EYS: variants seen among roughly 807,000 people sequenced by gnomAD.
The protein encoded by EYS is protein eyes shut homolog.
A neutral mutation model predicts 282.1 loss-of-function variants in EYS; 250 were observed. The ratio of observed to expected loss-of-function variants is 0.89; its 90% CI spans 0.80 to 0.98. The LOEUF (loss-of-function observed/expected upper bound fraction) is 0.98, where lower values mean the gene tolerates loss of function less well. EYS is among the 50% of genes least tolerant of loss of function. The probability of loss-of-function intolerance (pLI) is 0.00; values close to 1 mark genes in which losing one functional copy is unlikely to be tolerated. For missense variants in EYS, 4,016 were observed against 3,709.0 expected (o/e 1.08, Z -2.15); for synonymous variants, 1,355 against 1,282.9 (o/e 1.06, Z -1.20).
intron 12 of EYS, among the ~76,000 whole-genome samples, chr6:65,211,155 G>T (rs1766167625): frequency 6.6e-6 from 1 of 151,950 alleles, no homozygotes. Context: ...CTTACAGATG[G>T]GAGAATAGGA....
Position 64,723,147 on chromosome 6 carries a change from C to T in EYS, c.3443+90231G>A, listed in dbSNP as rs1270657745. ...GTGAGCATGGGCAGAGTGGACACATCGAGGCAGACATTCCATCTGTGTAGT... is the reference window on the plus strand; with the variant it reads ...GTGAGCATGGGCAGAGTGGACACATTGAGGCAGACATTCCATCTGTGTAGT... On this transcript the variant is annotated intron_variant, in intron 22 of 42. Coordinates refer to ENST00000503581, the MANE Select transcript of EYS (RefSeq NM_001142800.2). Among the ~76,000 whole-genome samples, 4 of 151,616 alleles carry T rather than the reference C, an allele frequency of 2.6e-5. No homozygotes were observed. In the East Asian group the frequency reaches 7.8e-4, roughly 29 times the overall value.
intron 19 of EYS, among the ~76,000 whole-genome samples, chr6:64,857,503 T>C (rs191345659): frequency 1.2e-4 from 19 of 152,328 alleles, no homozygotes; most frequent in Admixed American, 2.6e-4. Flanking sequence ...ATTGATGAAA[T>C]TCATTCATGA....
intron 29 of EYS, 76 bp downstream of exon 29, chr6:64,388,608 GTTTTTC>G (rs1772989211): frequency 7.7e-7 from 1 of 1,299,662 alleles, no homozygotes; most frequent in Non-Finnish European, 1.0e-6. Context: ...TATTTCTAAA[GTTTTTC>G]TTTTTCATTT....
At chr6:64,146,179 G>T (rs75219054) in intron 31 of EYS, among the ~76,000 whole-genome samples, 3,754 of 152,188 alleles carry the variant, frequency 0.025, 146 homozygotes, top group African/African-American at 0.085. Flanking sequence ...ACAGTCACTT[G>T]TGAATATAAT....
intron 35 of EYS, among the ~76,000 whole-genome samples, chr6:63,939,757 TA>T (rs1216451099): frequency 6.6e-6 from 1 of 152,196 alleles, no homozygotes; most frequent in Non-Finnish European, 1.5e-5. Context: ...CATATGTAGA[TA>T]CATCTATTTT....
intron 31 of EYS, among the ~76,000 whole-genome samples, chr6:64,118,026 TG>T (rs1773447903): frequency 1.3e-5 from 2 of 151,788 alleles, no homozygotes. Flanking sequence ...AAAACACTGA[TG>T]AAAAAAAATG....
chr6:65,421,428 G>T (rs984191370), intron 5 of EYS, among the ~76,000 whole-genome samples: 5 of 151,816 alleles, frequency 3.3e-5, no homozygotes, highest in African/African-American at 1.2e-4. Context: ...TTGGCTTGAG[G>T]AAATGTTGTG....
Position 64,822,823 on chromosome 6 carries a change from CT to C in EYS, c.2993-2del. 6.5e-7 allele frequency: 1 copy of C among 1,547,174 alleles called. No homozygotes were observed. The highest frequency in any genetic ancestry group is 8.7e-7 in the Non-Finnish European group (1 of 1,144,764). ...TCTAGATTTATTTCACAGTTGATGC[CT>C]GTGTTGGAACAGACAAGGCAAAACA... On this transcript the variant is annotated splice_acceptor_variant, in intron 19 of 42. Coordinates refer to ENST00000503581, the MANE Select transcript of EYS (RefSeq NM_001142800.2). LOFTEE classifies it high-confidence loss of function.
At chr6:65,336,496 T>A (rs1003831622) in intron 10 of EYS, among the ~76,000 whole-genome samples, 1 of 151,662 alleles carries the variant, frequency 6.6e-6, no homozygotes, top group African/African-American at 2.4e-5. Context: ...ATTACACAAT[T>A]TTTTAAAATT....
intron 5 of EYS, among the ~76,000 whole-genome samples, chr6:65,454,368 T>C (rs1225877163): frequency 6.6e-6 from 1 of 152,126 alleles, no homozygotes; most frequent in Admixed American, 6.6e-5. Context: ...TTATTTGTTC[T>C]TTTGCTGTTA....
intron 30 of EYS, among the ~76,000 whole-genome samples, chr6:64,292,336 C>T (rs993153363): frequency 1.3e-5 from 2 of 152,088 alleles, no homozygotes; most frequent in African/African-American, 4.8e-5. Context: ...TTGTGAAATA[C>T]ATTTGATAGC....
In EYS at chr6:64,902,423, C is replaced by A. The variant is rs1174460634; in HGVS notation, c.2719G>T (p.Asp907Tyr). The change falls in exon 17 of 43, where the codon GAT becomes TAT. Residue 907 changes from aspartate (D) to tyrosine (Y), a missense_variant. Asp to Tyr is a radical substitution (Grantham distance 160). Transcript: ENST00000503581. ...CTGTACCTGAAATTGTTGACCATAT[C>A]TTCACAGTCACCATAATCCTGGCAG... ...LSCQDYGDCEDMVNNFRCICR... is the reference protein window; with the variant it reads ...LSCQDYGDCEYMVNNFRCICR... 4 of 1,536,386 alleles carry A rather than the reference C, an allele frequency of 2.6e-6. No homozygotes were observed. In the African/African-American group the frequency reaches 4.2e-5, roughly 16 times the overall value.
chr6:65,286,334 C>G (rs180730015), intron 12 of EYS, among the ~76,000 whole-genome samples: 2 of 151,682 alleles, frequency 1.3e-5, no homozygotes, highest in East Asian at 3.9e-4. Context: ...AGTTACCTTG[C>G]ATTTCATGGA....
chr6:64,440,504 C>T (rs1354152481), intron 26 of EYS, among the ~76,000 whole-genome samples: 2 of 151,902 alleles, frequency 1.3e-5, no homozygotes, highest in East Asian at 1.9e-4. Context: ...CAAGGACTGA[C>T]TTCATTAGTG....
At chr6:65,608,095 C>T (rs1192356062) in intron 2 of EYS, among the ~76,000 whole-genome samples, 1 of 151,868 alleles carries the variant, frequency 6.6e-6, no homozygotes, top group Non-Finnish European at 1.5e-5. Context: ...AGGATACATT[C>T]TGAGAAATGT....
intron 5 of EYS, among the ~76,000 whole-genome samples, chr6:65,473,083 A>G (rs1245639831): frequency 6.6e-6 from 1 of 152,012 alleles, no homozygotes; most frequent in African/African-American, 2.4e-5. Flanking sequence ...ATGGTGCTAA[A>G]TTCATGTGAA....
intron 29 of EYS, among the ~76,000 whole-genome samples, chr6:64,331,549 G>C (rs191219588): frequency 2.0e-4 from 30 of 151,862 alleles, no homozygotes; most frequent in African/African-American, 7.2e-4. Context: ...TTACCAGAAA[G>C]GAGGTTGGTG....
intron 15 of EYS, among the ~76,000 whole-genome samples, chr6:64,945,483 G>A (rs571698613): frequency 6.6e-6 from 1 of 152,052 alleles, no homozygotes; most frequent in East Asian, 1.9e-4. Context: ...TTCTCATACT[G>A]CATGGAAAGG....
At chr6:65,617,487 C>A (rs1766245917) in intron 2 of EYS, among the ~76,000 whole-genome samples, 1 of 151,614 alleles carries the variant, frequency 6.6e-6, no homozygotes, top group South Asian at 2.1e-4. Context: ...TTTAATGAGA[C>A]CTGAATTAAA....
Sources: gnomAD v4.1 joint callset for allele counts (sites outside exome capture counted in the v4.1 genomes callset) on GRCh38, gnomAD v4.1.1 for gene constraint, MANE v1.5 for transcripts, NCBI Gene and HGNC (gene_info 2026-07-23, HGNC 2026-07-21) for gene names.